The following CEMIP variants were observed in gnomAD, a reference collection of about 807,000 sequenced individuals.
The protein encoded by CEMIP is cell migration-inducing and hyaluronan-binding protein.
A neutral mutation model predicts 156.9 loss-of-function variants in CEMIP; 105 were observed. The ratio of observed to expected loss-of-function variants is 0.67; its 90% CI spans 0.57 to 0.79. The LOEUF is 0.79. Ranked by LOEUF, CEMIP falls within the 30% of genes least tolerant of loss-of-function variation. The pLI, the probability that CEMIP is intolerant of heterozygous loss-of-function variation, is 0.00. For synonymous variants in CEMIP, 676 were observed against 668.4 expected, an observed-to-expected ratio of 1.01 and a Z score of -0.17; for missense variants, 1,457 against 1,769.4, an observed-to-expected ratio of 0.82 and a Z score of 3.17.
intron 12 of CEMIP, among the ~76,000 whole-genome samples, chr15:80,900,475 G>T (rs1899433632): frequency 6.6e-6 from 1 of 152,032 alleles, no homozygotes; most frequent in African/African-American, 2.4e-5. Flanking sequence ...CTCCCTCCCT[G>T]AAGGACATTC....
intron 1 of CEMIP, among the ~76,000 whole-genome samples, chr15:80,870,930 C>T (rs1444971240): frequency 6.6e-6 from 1 of 152,182 alleles, no homozygotes; most frequent in Non-Finnish European, 1.5e-5. Flanking sequence ...GCCTCTAACC[C>T]AGTGAGGACA....
chr15:80,804,117 C>T (rs1896449913), intron 1 of CEMIP, among the ~76,000 whole-genome samples: 1 of 152,156 alleles, frequency 6.6e-6, no homozygotes, highest in Non-Finnish European at 1.5e-5. Context: ...AGAACAGCAC[C>T]GGAAAGACCT....
intron 25 of CEMIP, among the ~76,000 whole-genome samples, chr15:80,940,116 C>A (rs1315326073): frequency 2.0e-5 from 3 of 152,188 alleles, no homozygotes; most frequent in African/African-American, 7.2e-5. Context: ...TTAAGGTGCA[C>A]AGCCATCAGT....
chr15:80,889,319 T>C, intron 9 of CEMIP, 152 bp from the exon 10 acceptor site: 1 of 1,008,672 alleles, frequency 9.9e-7, no homozygotes, highest in South Asian at 1.4e-5. Context: ...CATAGGCAGA[T>C]TGATTAGAGC....
rs988866838 is a variant in CEMIP, at chr15:80,881,838, G to A, written c.617+702G>A. Among the ~76,000 whole-genome samples, 6 of 152,236 alleles carry A rather than the reference G, an allele frequency of 3.9e-5. No homozygotes were observed. The East Asian group carries it at 7.7e-4, about 20-fold the overall frequency. The stretch of plus-strand genomic sequence containing the variant: ...TGGTGCAGGGGGTTAGGAAGCTTCT[G>A]CTGTGGTCTAGGCAAGACATGGCAG... On this transcript the variant is annotated intron_variant, in intron 6 of 29. Transcript: ENST00000394685.
At chr15:80,788,623 G>T (rs187112640) in intron 1 of CEMIP, among the ~76,000 whole-genome samples, 50 of 152,242 alleles carry the variant, frequency 3.3e-4, no homozygotes, top group African/African-American at 9.9e-4. Context: ...CCAAAGGTTT[G>T]GGTTCAGGAA....
At position 80,938,385 on chromosome 15, in the gene CEMIP, T is replaced by C. The variant is rs562452867; in HGVS notation, c.3407+406T>C. Among the ~76,000 whole-genome samples, 23 of 152,138 alleles carry C rather than the reference T, an allele frequency of 1.5e-4. No individual in the cohort carries two copies. The East Asian group carries it at 4.5e-3, about 29-fold the overall frequency. ...ACTTTGGGAGGCCGAGGTGGGTGGA[T>C]CACAAGGTCAGGAGTTCGAGACCAG... On this transcript the variant is annotated intron_variant, in intron 25 of 29. Transcript: ENST00000394685.
At chr15:80,786,937 T>C (rs1235228622) in intron 1 of CEMIP, among the ~76,000 whole-genome samples, 1 of 152,386 alleles carries the variant, frequency 6.6e-6, no homozygotes, top group East Asian at 1.9e-4. Flanking sequence ...GCATCCTTTT[T>C]CATTGATGTC....
At chr15:80,869,406 G>A (rs1303517874) in intron 1 of CEMIP, among the ~76,000 whole-genome samples, 1 of 152,198 alleles carries the variant, frequency 6.6e-6, no homozygotes, top group Non-Finnish European at 1.5e-5. Context: ...GGGTGTGGTT[G>A]ATTCCAAAGC....
chr15:80,857,197 G>A (rs758872229), intron 1 of CEMIP, among the ~76,000 whole-genome samples: 1 of 152,210 alleles, frequency 6.6e-6, no homozygotes, highest in African/African-American at 2.4e-5. Flanking sequence ...TCCTGGGTTT[G>A]TGTGAGCCTG....
At position 80,947,106 on chromosome 15, in the gene CEMIP, G is replaced by A. The variant is rs1245620584; in HGVS notation, c.3958+41G>A. 6 of 1,339,134 alleles carry A rather than the reference G, an allele frequency of 4.5e-6. No homozygotes were observed. In the South Asian group the frequency reaches 5.9e-5, roughly 13 times the overall value. The allele number at this position is 1,339,134 out of a possible 1,614,324, so 83.0% of individuals were successfully genotyped here. On this transcript the variant is annotated intron_variant, in intron 29 of 29. Coordinates refer to ENST00000394685, the MANE Select transcript of CEMIP (RefSeq NM_001293298.2). Reference sequence around the variant, plus strand: ...GGGGTTTAAACTGACCCCAAAACCAGAGAAGGCAAATGCCTGGCATGGAGG... The same window carrying A: ...GGGGTTTAAACTGACCCCAAAACCAAAGAAGGCAAATGCCTGGCATGGAGG...
intron 12 of CEMIP, chr15:80,896,334 T>C: frequency 1.7e-6 from 1 of 601,572 alleles, no homozygotes; most frequent in Non-Finnish European, 3.1e-6. Flanking sequence ...CCAAAACATA[T>C]TCTTCTCACG....
intron 19 of CEMIP, among the ~76,000 whole-genome samples, chr15:80,926,873 C>T (rs1192687641): frequency 1.3e-5 from 2 of 149,510 alleles, no homozygotes; most frequent in Non-Finnish European, 2.9e-5. Context: ...CTCTGTCACC[C>T]AGGCTGGAGT....
chr15:80,795,347 G>A (rs1896194371), intron 1 of CEMIP, among the ~76,000 whole-genome samples: 1 of 152,148 alleles, frequency 6.6e-6, no homozygotes, highest in African/African-American at 2.4e-5. Context: ...GGCAGGGGAT[G>A]CTATGGTGCT....
intron 1 of CEMIP, among the ~76,000 whole-genome samples, chr15:80,852,333 G>A (rs1897734018): frequency 6.6e-6 from 1 of 152,084 alleles, no homozygotes; most frequent in African/African-American, 2.4e-5. Context: ...CCCTTGAAGT[G>A]TAACATTTAC....
At chr15:80,889,696 C>A in intron 10 of CEMIP, 104 bp downstream of exon 10, 1 of 1,467,612 alleles carries the variant, frequency 6.8e-7, no homozygotes, top group Non-Finnish European at 9.4e-7. Flanking sequence ...ATTCTCGTTG[C>A]CCTCCTGTGA....
intron 1 of CEMIP, among the ~76,000 whole-genome samples, chr15:80,813,126 A>G (rs148648392): frequency 1.7e-4 from 26 of 152,346 alleles, no homozygotes; most frequent in African/African-American, 6.0e-4. Flanking sequence ...AAGAGCTAAT[A>G]GTAACTATCC....
In CEMIP at chr15:80,873,660, G is replaced by T; in HGVS notation, c.-53G>T. On this transcript the variant is annotated 5_prime_UTR_variant, in exon 2 of 30. Transcript: ENST00000394685. Reference sequence around the variant, plus strand: ...CGGTAGGATTTTCATGCCCCGATCTGCCTGGCCTTGAGTTGTGGCAGCTGG... The same window carrying T: ...CGGTAGGATTTTCATGCCCCGATCTTCCTGGCCTTGAGTTGTGGCAGCTGG... The T allele has an allele frequency of 1.8e-6, 1 of 570,770 alleles. No homozygotes were observed. Among genetic ancestry groups the T allele is most frequent in the Admixed American group, 2.8e-5 (1 of 35,954 alleles). 35.4% of individuals were successfully genotyped at this position (570,770 alleles called of 1,614,324 possible).
At chr15:80,813,070 A>T (rs996510501) in intron 1 of CEMIP, among the ~76,000 whole-genome samples, 1 of 152,188 alleles carries the variant, frequency 6.6e-6, no homozygotes, top group Admixed American at 6.5e-5. Flanking sequence ...AATTTTTCTA[A>T]TGCATTTGTT....
Sources: gnomAD v4.1 joint callset for allele counts (sites outside exome capture counted in the v4.1 genomes callset) on GRCh38, gnomAD v4.1.1 for gene constraint, MANE v1.5 for transcripts, NCBI Gene and HGNC (gene_info 2026-07-23, HGNC 2026-07-21) for gene names.